Variants in DNAH10 observed in about 807,000 individuals in gnomAD.
The protein encoded by DNAH10 is dynein axonemal heavy chain 10, also known as axonemal beta dynein heavy chain 10.
In DNAH10, 348 loss-of-function variants were observed where a neutral mutation model predicts 506.6. That is an observed-to-expected ratio of 0.69 (90% CI 0.63 to 0.75). DNAH10 has a LOEUF of 0.75. Among genes scored for constraint, DNAH10 ranks in the 30% least tolerant of loss-of-function variants. DNAH10 has a pLI of 0.00. For missense variants in DNAH10, 5,179 were observed against 5,787.1 expected, an observed-to-expected ratio of 0.89 and a Z score of 3.41; for synonymous variants, 2,059 against 2,198.6, an observed-to-expected ratio of 0.94 and a Z score of 1.78.
chr12:123,892,721 C>T (rs114911890), intron 52 of DNAH10, among the ~76,000 whole-genome samples: 1,943 of 152,298 alleles, frequency 0.013, 45 homozygotes, highest in African/African-American at 0.045. Context: ...AAAAGAAGTC[C>T]ACGTAGCCAG....
At position 123,771,680 on chromosome 12, in the gene DNAH10, A is replaced by AG. The variant is rs1325851107; in HGVS notation, c.379dup (p.Glu127GlyfsTer47). Reference sequence around the variant, plus strand: ...ATGAAGAAATGGACAAAGAGATTTCAGAAAAACTCCCTTCCAAAGTAAGCA... The same window carrying AG: ...ATGAAGAAATGGACAAAGAGATTTCAGGAAAAACTCCCTTCCAAAGTAAGCA... On this transcript the variant is annotated frameshift_variant, in exon 3 of 79. Coordinates refer to ENST00000673944, the MANE Select transcript of DNAH10 (RefSeq NM_001372106.1). LOFTEE classifies it high-confidence loss of function. 6.2e-7 allele frequency: 1 copy of AG among 1,612,286 alleles called. No individual in the cohort carries two copies. The highest frequency in any genetic ancestry group is 1.7e-5 in the Admixed American group (1 of 59,848).
Position 123,808,840 on chromosome 12 carries a change from C to G in DNAH10, c.3031C>G (p.Leu1011Val). ...TTCTTTGATCCTTGGAAATGTCCCT[C>G]TGTTCCACACTGAAACCATTCTGAC... ...FNSLILGNVP[L>V]FHTETILTAP... Residue 1011 changes from leucine (L) to valine (V), a missense_variant, in exon 19 of 79, where the codon CTG becomes GTG. Coordinates refer to ENST00000673944, the MANE Select transcript of DNAH10 (RefSeq NM_001372106.1). 6.2e-7 allele frequency: 1 copy of G among 1,614,190 alleles called. No individual in the cohort carries two copies. The highest frequency in any genetic ancestry group is 8.5e-7 in the Non-Finnish European group (1 of 1,180,028).
chr12:123,928,421 G>T lies in DNAH10; in HGVS notation c.12140G>T (p.Arg4047Leu), dbSNP rs550426140. 2 of 1,605,778 alleles carry T rather than the reference G, an allele frequency of 1.2e-6. No homozygotes were observed. Among genetic ancestry groups the T allele is most frequent in the East Asian group, 4.5e-5 (2 of 44,548 alleles). Reference protein sequence around the residue: ...ALQLLETAVARGQWLMLQNCH... With the variant: ...ALQLLETAVALGQWLMLQNCH... ...CAGCTGCTGGAGACGGCGGTGGCTC[G>T]GGGGCAGTGGCTGATGCTGCAGAAC... Residue 4047 changes from arginine to leucine, a missense_variant, in exon 70 of 79, where the codon CGG becomes CTG. Arg to Leu is a moderately radical substitution (Grantham distance 102). Around this residue, in one of 3 missense-constraint regions of DNAH10, gnomAD observed 4,844 missense variants for 5,430.5 expected, o/e 0.89. Transcript: ENST00000673944. The surrounding 1 kb of genome is among the most constrained non-coding windows in gnomAD (Gnocchi z 4.9).
In DNAH10 at chr12:123,838,659, C is replaced by G. The variant is rs529620806; in HGVS notation, c.5106C>G (p.Asp1702Glu). ...TGCTTAGCATTCTGGGGAGCAGCGA[C>G]CCACTCTGCGTCCAGGAGCACATGA... ...DELLSILGSS[D>E]PLCVQEHMIK... Residue 1702 changes from aspartate to glutamate, a missense_variant, in exon 29 of 79, where the codon GAC becomes GAG. Asp to Glu is a conservative substitution (Grantham distance 45, BLOSUM62 2). Transcript: ENST00000673944. 4.3e-6 allele frequency: 7 copies of G among 1,613,938 alleles called. No individual in the cohort carries two copies. The East Asian group carries it at 1.6e-4, about 36-fold the overall frequency.
rs767068319 is a variant in DNAH10 at position 123,934,556 on chromosome 12, T to C, written c.13478-65T>C. 2.5e-6 allele frequency: 4 copies of C among 1,589,934 alleles called. No homozygotes were observed. In the South Asian group the frequency reaches 3.4e-5, roughly 14 times the overall value. On this transcript the variant is annotated intron_variant, in intron 77 of 78. Coordinates refer to ENST00000673944, the MANE Select transcript of DNAH10 (RefSeq NM_001372106.1). Reference sequence around the variant, plus strand: ...TGTGTGTCGCTGTGTGTGCGCCTGATAGAGCCACTCCGTGGCAGGCTGTGC... The same window carrying C: ...TGTGTGTCGCTGTGTGTGCGCCTGACAGAGCCACTCCGTGGCAGGCTGTGC...
rs144921213 is a variant in DNAH10 at position 123,848,521 on chromosome 12, G to A, written c.5950-209G>A. Among the ~76,000 whole-genome samples, 544 of 152,286 alleles carry A rather than the reference G, an allele frequency of 3.6e-3. 6 individuals are homozygous for A. Among genetic ancestry groups the A allele is most frequent in the African/African-American group, 0.012 (502 of 41,544 alleles). On this transcript the variant is annotated intron_variant, in intron 33 of 78. Transcript: ENST00000673944. ...GAAATGGAGTTTTACACAAAAATCT[G>A]GATTTGTAAAATCCCAAGTAGGAGC...
In DNAH10 at chr12:123,917,605, A is replaced by G; in HGVS notation, c.11024A>G (p.Asp3675Gly). The G allele has an allele frequency of 1.3e-6, 2 of 1,551,440 alleles. No individual in the cohort carries two copies. Among genetic ancestry groups the G allele is most frequent in the Non-Finnish European group, 1.7e-6 (2 of 1,147,000 alleles). The change falls in exon 64 of 79, where the codon GAC becomes GGC. Residue 3675 changes from aspartate to glycine, a missense_variant. This residue lies in a region of DNAH10 where 4,844 missense variants were observed against 5,430.5 expected (regional missense o/e 0.89). Coordinates refer to ENST00000673944, the MANE Select transcript of DNAH10 (RefSeq NM_001372106.1). This position sits in a 1 kb window ranked among gnomAD's most constrained non-coding sequence, Gnocchi z 5.6. The part of the protein sequence containing the change: ...NYTVTLKGLE[D>G]QLLSVLVAYE... ...ACAGTCACGCTGAAGGGCCTGGAGG[A>G]CCAGCTGCTGAGCGTGCTGGTGGCT...
rs542697905 is a variant in DNAH10, at chr12:123,913,511, GTTAT to G, written c.10352+202_10352+205del. ...CTCTTGTTTGTATTAGGCACTGAGT[GTTAT>G]TTATTAATTACTAAGGGTCAAGGAG... On this transcript the variant is annotated intron_variant, in intron 60 of 78. Transcript: ENST00000673944. This position sits in a 1 kb window ranked among gnomAD's most constrained non-coding sequence, Gnocchi z 5.1. 2.6e-3 allele frequency among the ~76,000 whole-genome samples: 400 copies of G among 152,324 alleles called. 2 individuals are homozygous for G. Among genetic ancestry groups the G allele is most frequent in the African/African-American group, 9.1e-3 (379 of 41,560 alleles).
At chr12:123,788,073 C>T (rs965644697) in intron 10 of DNAH10, 71 bp downstream of exon 10, 24 of 1,521,236 alleles carry the variant, frequency 1.6e-5, no homozygotes, top group Non-Finnish European at 2.0e-5. Context: ...TGGCCCCCTC[C>T]GTGTCAGGTA....
In DNAH10 at chr12:123,881,678, C is replaced by A. The variant is rs267603363; in HGVS notation, c.8688C>A (p.Phe2896Leu). ...ACACCAAAATGAACTTGGTTCTCTT[C>A]GACGATGCTCTGGAGCATTTAACCC... ...ESNTKMNLVL[F>L]DDALEHLTRV... The change falls in exon 51 of 79, where the codon TTC becomes TTA. Residue 2896 changes from phenylalanine to leucine, a missense_variant. Physicochemically the swap from Phe to Leu is conservative, Grantham distance 22 (BLOSUM62 0). Around this residue, in one of 3 missense-constraint regions of DNAH10, gnomAD observed 4,844 missense variants for 5,430.5 expected, o/e 0.89. Coordinates refer to ENST00000673944, the MANE Select transcript of DNAH10 (RefSeq NM_001372106.1). 1 of 1,546,910 alleles carries A rather than the reference C, an allele frequency of 6.5e-7. No individual in the cohort carries two copies. The highest frequency in any genetic ancestry group is 1.4e-5 in the African/African-American group (1 of 72,622).
intron 1 of DNAH10, among the ~76,000 whole-genome samples, chr12:123,763,563 CTTTTTTT>C (rs35395990): frequency 6.9e-5 from 9 of 129,516 alleles, no homozygotes; most frequent in African/African-American, 2.7e-4. Context: ...TATTTTTTAA[CTTTTTTT>C]TTTTTTTTTT....
rs1163622362 is a variant in DNAH10, at chr12:123,875,426, G to A, written c.8134G>A (p.Val2712Met). The change falls in exon 47 of 79, where the codon GTG (valine) becomes ATG (methionine). Residue 2712 changes from valine to methionine, a missense_variant. Physicochemically the swap from Val to Met is conservative, Grantham distance 21. Coordinates refer to ENST00000673944, the MANE Select transcript of DNAH10 (RefSeq NM_001372106.1). ...RFISLFSVFN[V>M]PFPSEESLHL... is the part of the protein sequence containing the mutation. ...TATTTCGCTATTCAGTGTCTTCAAT[G>A]TGCCATTTCCTTCAGAGGAGTCTCT... 1.2e-6 allele frequency: 2 copies of A among 1,613,896 alleles called. No individual in the cohort carries two copies. The highest frequency in any genetic ancestry group is 1.3e-5 in the African/African-American group (1 of 74,920).
intron 30 of DNAH10, among the ~76,000 whole-genome samples, 188 bp from the exon 31 acceptor site, chr12:123,845,412 A>T (rs535789643): frequency 4.6e-5 from 7 of 152,346 alleles, no homozygotes; most frequent in African/African-American, 1.4e-4. Context: ...GAGATAGGTA[A>T]CATCTTACTC....
chr12:123,906,019 G>T (rs1420029125), intron 57 of DNAH10, among the ~76,000 whole-genome samples: 1 of 143,742 alleles, frequency 7.0e-6, no homozygotes, highest in Non-Finnish European at 1.5e-5. Context: ...CCGGGTTCAC[G>T]CCATTCTCCT....
chr12:123,771,689 C>T lies in DNAH10; in HGVS notation c.387C>T (p.Leu129=), dbSNP rs1326872141. 6.2e-7 allele frequency: 1 copy of T among 1,610,916 alleles called. No homozygotes were observed. Among genetic ancestry groups the T allele is most frequent in the Admixed American group, 1.7e-5 (1 of 59,692 alleles). Residue 129 remains leucine, a synonymous_variant, in exon 3 of 79, where the codon CTC becomes CTT. Transcript: ENST00000673944. ...TGGACAAAGAGATTTCAGAAAAACT[C>T]CCTTCCAAAGTAAGCATGGCTCTTT... is the stretch of plus-strand genomic sequence containing the variant. ...EEMDKEISEK[L]PSKRTAKHIM...
chr12:123,792,957 A>G (rs538031237), intron 11 of DNAH10, among the ~76,000 whole-genome samples: 1 of 152,194 alleles, frequency 6.6e-6, no homozygotes, highest in Non-Finnish European at 1.5e-5. Flanking sequence ...TGAGTCTTAT[A>G]TGTATGAATT....
chr12:123,837,757 A>ATT (rs994688492), intron 28 of DNAH10, among the ~76,000 whole-genome samples: 6 of 135,284 alleles, frequency 4.4e-5, no homozygotes, highest in South Asian at 2.4e-4. Context: ...AAAAAAAAAA[A>ATT]TTTTTTTTTT....
chr12:123,814,950 C>T (rs931049285), intron 21 of DNAH10, among the ~76,000 whole-genome samples: 3 of 152,142 alleles, frequency 2.0e-5, no homozygotes, highest in Non-Finnish European at 1.5e-5. Flanking sequence ...CTTTGCTTCC[C>T]TGGTTTACGT....
At chr12:123,883,421 G>A (rs1218923839) in intron 51 of DNAH10, among the ~76,000 whole-genome samples, 1 of 152,228 alleles carries the variant, frequency 6.6e-6, no homozygotes, top group East Asian at 1.9e-4. Context: ...GCCTCTCGAA[G>A]TGGAGCAGAC....
Sources: gnomAD v4.1 joint callset for allele counts (sites outside exome capture counted in the v4.1 genomes callset) on GRCh38, gnomAD v4.1.1 for gene constraint, gnomAD v4.1.1 regional missense constraint, Gnocchi (gnomAD v3.1) non-coding constraint, MANE v1.5 for transcripts, NCBI Gene and HGNC (gene_info 2026-07-23, HGNC 2026-07-21) for gene names.